Variants in ACSM3 observed in about 807,000 individuals in gnomAD.
ACSM3 encodes acyl-coenzyme A synthetase ACSM3, mitochondrial.
Under a neutral mutation model 74.1 loss-of-function variants are expected in ACSM3, and 61 were observed. That is an observed-to-expected ratio of 0.82 (90% confidence interval 0.67 to 1.02). ACSM3 has a LOEUF of 1.02. Ranked by LOEUF, ACSM3 falls within the 50% of genes least tolerant of loss-of-function variation. The pLI, the probability that ACSM3 is intolerant of heterozygous loss-of-function variation, is 0.00. For missense variants in ACSM3, 660 were observed against 697.0 expected (o/e 0.95, Z 0.60); for synonymous variants, 213 against 241.5 (o/e 0.88, Z 1.09).
At position 20,784,968 on chromosome 16, in the gene ACSM3, C is replaced by G. The variant is rs1450248687; in HGVS notation, c.1020-16C>G. ...ATTTTTCCTCCTAAATCTAACTTATCTGGTTTTCTGAGAAGCTATAAGTTT... is the reference window on the plus strand; with the variant it reads ...ATTTTTCCTCCTAAATCTAACTTATGTGGTTTTCTGAGAAGCTATAAGTTT... On this transcript the variant is annotated splice_polypyrimidine_tract_variant and intron_variant, in intron 7 of 13. Coordinates refer to ENST00000289416, the MANE Select transcript of ACSM3 (RefSeq NM_005622.4). The G allele has an allele frequency of 6.2e-7, 1 of 1,603,614 alleles. No individual in the cohort carries two copies. Among genetic ancestry groups the G allele is most frequent in the South Asian group, 1.1e-5 (1 of 89,644 alleles).
At chr16:20,743,841 A>G (rs1452051005) in intron 1 of ACSM3, 2 of 152,162 alleles carry the variant, frequency 1.3e-5, no homozygotes, top group East Asian at 3.8e-4. Flanking sequence ...AGTTGCCCAC[A>G]CTCTGCCACC....
At chr16:20,698,208 A>T (rs1483596449) in intron 1 of ACSM3, among the ~76,000 whole-genome samples, 1 of 150,356 alleles carries the variant, frequency 6.7e-6, no homozygotes, top group African/African-American at 2.5e-5. Flanking sequence ...AAAAAAAAAG[A>T]AAAACAAACC....
chr16:20,731,595 G>A, intron 1 of ACSM3: 1 of 295,154 alleles, frequency 3.4e-6, no homozygotes, highest in African/African-American at 2.2e-5. Context: ...CTGAAAAACA[G>A]AGCAAGATAA....
intron 9 of ACSM3, among the ~76,000 whole-genome samples, chr16:20,789,097 T>C (rs2080537291): frequency 6.6e-6 from 1 of 152,216 alleles, no homozygotes; most frequent in African/African-American, 2.4e-5. Context: ...GAGCAAAATC[T>C]GATGTATAAA....
intron 1 of ACSM3, among the ~76,000 whole-genome samples, chr16:20,708,004 C>A (rs12922077): frequency 6.6e-6 from 1 of 152,134 alleles, no homozygotes; most frequent in Non-Finnish European, 1.5e-5. Context: ...AATAACAACG[C>A]ATAAAAGTTT....
At chr16:20,729,821 A>G (rs980729546) in intron 1 of ACSM3, among the ~76,000 whole-genome samples, 21 of 152,052 alleles carry the variant, frequency 1.4e-4, no homozygotes, top group African/African-American at 4.3e-4. Flanking sequence ...TATAAATGAC[A>G]AGTATTCAAG....
intron 1 of ACSM3, among the ~76,000 whole-genome samples, chr16:20,676,846 G>A (rs975873428): frequency 4.6e-5 from 7 of 151,972 alleles, no homozygotes; most frequent in African/African-American, 1.7e-4. Context: ...ATAAAATAAG[G>A]AGAATGGTCA....
chr16:20,694,279 T>C (rs765837364), intron 1 of ACSM3, among the ~76,000 whole-genome samples: 6 of 152,220 alleles, frequency 3.9e-5, no homozygotes, highest in Non-Finnish European at 8.8e-5. Flanking sequence ...AGGTTATAAA[T>C]GACCCTGTCT....
rs1327922947 is a variant in ACSM3, at chr16:20,741,379, G to GGCCACGCCCCTACAGCC, written c.-189-8529_-189-8513dup. On this transcript the variant is annotated intron_variant, in intron 1 of 3. Transcript: ENST00000561584. ...GGACTAGGGACGGAAACGCCGGCGAGGCCACGCCCCTACAGCCGTCACGCC... is the reference window on the plus strand; with the variant it reads ...GGACTAGGGACGGAAACGCCGGCGAGGCCACGCCCCTACAGCCGCCACGCCCCTACAGCCGTCACGCC... 1.0e-4 allele frequency: 121 copies of GGCCACGCCCCTACAGCC among 1,189,792 alleles called. No individual in the cohort carries two copies. The East Asian group carries it at 3.0e-3, about 29-fold the overall frequency. The allele number at this position is 1,189,792 out of a possible 1,614,324, so 73.7% of individuals were successfully genotyped here.
At chr16:20,725,832 C>T (rs903312892) in intron 1 of ACSM3, among the ~76,000 whole-genome samples, 6 of 152,088 alleles carry the variant, frequency 3.9e-5, no homozygotes, top group South Asian at 2.1e-4. Flanking sequence ...ATTAGCCAGG[C>T]GTGGTGGCAC....
At chr16:20,750,823 G>C (rs1167259857) in intron 2 of ACSM3, among the ~76,000 whole-genome samples, 1 of 144,658 alleles carries the variant, frequency 6.9e-6, no homozygotes, top group Admixed American at 7.0e-5. Context: ...GTAGTAGAGA[G>C]AATATAAGTT....
At chr16:20,719,292 G>C (rs566791009) in intron 1 of ACSM3, 79 of 242,788 alleles carry the variant, frequency 3.3e-4, no homozygotes, top group Non-Finnish European at 5.9e-4. Flanking sequence ...CTGGGTCAAG[G>C]CCACCTTTGG....
chr16:20,745,703 A>T (rs2079954994), intron 1 of ACSM3, among the ~76,000 whole-genome samples: 1 of 152,206 alleles, frequency 6.6e-6, no homozygotes, highest in Non-Finnish European at 1.5e-5. Context: ...TTTGCTTCAG[A>T]TATTCAGAAG....
At chr16:20,791,976 AC>A (rs774016103) in intron 10 of ACSM3, 25 bp from the exon 11 acceptor site, 1 of 1,612,198 alleles carries the variant, frequency 6.2e-7, no homozygotes, top group Non-Finnish European at 8.5e-7. Context: ...ATTCACCATA[AC>A]AACAAAATGC....
In ACSM3 at chr16:20,780,811, G is replaced by A. The variant is rs1300179922; in HGVS notation, c.736G>A (p.Ala246Thr). ...SGTSGYPKMT[A>T]HTHSSFGLGL... is the part of the protein sequence containing the mutation. Reference sequence around the variant, plus strand: ...AACAAGTGGATATCCGAAAATGACTGCACACACCCACAGCAGTTTTGGTTT... The same window carrying A: ...AACAAGTGGATATCCGAAAATGACTACACACACCCACAGCAGTTTTGGTTT... Residue 246 changes from alanine to threonine, a missense_variant, in exon 5 of 14, where the codon GCA becomes ACA. Coordinates refer to ENST00000289416, the MANE Select transcript of ACSM3 (RefSeq NM_005622.4). 1 of 1,614,200 alleles carries A rather than the reference G, an allele frequency of 6.2e-7. No individual in the cohort carries two copies. The highest frequency in any genetic ancestry group is 1.7e-5 in the Admixed American group (1 of 60,014).
chr16:20,677,549 T>G (rs529502985), intron 1 of ACSM3, among the ~76,000 whole-genome samples: 1 of 152,326 alleles, frequency 6.6e-6, no homozygotes, highest in East Asian at 1.9e-4. Context: ...ACCCCCTTCA[T>G]TGCTGTGTAA....
chr16:20,730,110 C>T (rs1437819865), intron 1 of ACSM3, among the ~76,000 whole-genome samples: 1 of 152,160 alleles, frequency 6.6e-6, no homozygotes, highest in Non-Finnish European at 1.5e-5. Context: ...ATCGGCCAGA[C>T]TTGGATCATA....
intron 6 of ACSM3, among the ~76,000 whole-genome samples, chr16:20,781,487 A>C (rs1279809410): frequency 6.6e-6 from 1 of 152,218 alleles, no homozygotes; most frequent in East Asian, 1.9e-4. Flanking sequence ...ATACGGGAGG[A>C]TATGCATAGG....
intron 2 of ACSM3, among the ~76,000 whole-genome samples, chr16:20,772,125 C>T (rs1166367632): frequency 1.3e-5 from 2 of 151,894 alleles, no homozygotes; most frequent in Non-Finnish European, 1.5e-5. Flanking sequence ...TATTTGCATT[C>T]CCTGTATATT....
Sources: gnomAD v4.1 joint callset for allele counts (sites outside exome capture counted in the v4.1 genomes callset) on GRCh38, gnomAD v4.1.1 for gene constraint, MANE v1.5 for transcripts, NCBI Gene and HGNC (gene_info 2026-07-23, HGNC 2026-07-21) for gene names.